MSTO1: variants seen among roughly 807,000 people sequenced by gnomAD.
The protein encoded by MSTO1 is protein misato homolog 1.
Under a neutral mutation model 55.7 loss-of-function variants are expected in MSTO1, and 24 were observed. That is an observed-to-expected ratio of 0.43 (90% CI 0.31 to 0.61). The LOEUF (loss-of-function observed/expected upper bound fraction) is 0.61, where lower values mean the gene tolerates loss of function less well. Among genes scored for constraint, MSTO1 ranks in the 20% least tolerant of loss-of-function variants. The pLI is 0.09. For synonymous variants in MSTO1, 162 were observed against 252.8 expected (o/e 0.64, Z 3.41); for missense variants, 363 against 625.7 (o/e 0.58, Z 4.48).
the MSTO1 span, among the ~76,000 whole-genome samples, chr1:155,585,384 G>A: frequency 6.6e-6 from 1 of 152,070 alleles, no homozygotes; most frequent in Admixed American, 6.6e-5. Context: ...TTAGCCAGGC[G>A]TGGTGGCGGG....
chr1:155,592,793 G>A, the MSTO1 span, among the ~76,000 whole-genome samples: 1 of 152,126 alleles, frequency 6.6e-6, no homozygotes, highest in Admixed American at 6.6e-5. Flanking sequence ...GACCTCAAGT[G>A]ATCCACCCGC....
In MSTO1 at chr1:155,612,202, C is replaced by T. The variant is rs1368157757; in HGVS notation, c.699C>T (p.Asp233=). The T allele has an allele frequency of 2.5e-6, 4 of 1,613,558 alleles. No individual in the cohort carries two copies. The highest frequency in any genetic ancestry group is 2.5e-6 in the Non-Finnish European group (3 of 1,179,632). The change falls in exon 8 of 14, where the codon GAC becomes GAT. Residue 233 remains aspartate, a synonymous_variant. Coordinates refer to ENST00000245564, the MANE Select transcript of MSTO1 (RefSeq NM_018116.4). The part of the protein sequence containing the change: ...DYLQGFQILC[D]LHDGFSGVGA... Reference sequence around the variant, plus strand: ...TCCAGGGCTTCCAGATCCTGTGTGACCTGCACGATGGCTTCTCTGGGGTAG... The same window carrying T: ...TCCAGGGCTTCCAGATCCTGTGTGATCTGCACGATGGCTTCTCTGGGGTAG...
chr1:155,606,887 T>A (rs1435957332), upstream of MSTO1, among the ~76,000 whole-genome samples: 1 of 151,850 alleles, frequency 6.6e-6, no homozygotes, highest in African/African-American at 2.4e-5. Context: ...CAGGCTGGAG[T>A]GCAGTGGCCC....
upstream of MSTO1, among the ~76,000 whole-genome samples, chr1:155,606,505 C>A (rs1672938475): frequency 6.6e-6 from 1 of 151,840 alleles, no homozygotes; most frequent in Admixed American, 6.6e-5. Flanking sequence ...AGAGATTCTT[C>A]TGCCCCAGCC....
the MSTO1 span, among the ~76,000 whole-genome samples, chr1:155,570,953 G>A: frequency 6.6e-6 from 1 of 152,146 alleles, no homozygotes; most frequent in African/African-American, 2.4e-5. Context: ...TTTAAAAAGT[G>A]TATATTGTAT....
the MSTO1 span, among the ~76,000 whole-genome samples, chr1:155,564,285 G>A: frequency 6.6e-6 from 1 of 152,202 alleles, no homozygotes; most frequent in Non-Finnish European, 1.5e-5. Flanking sequence ...CCTGAGGTCA[G>A]GAGTTCGAGA....
the MSTO1 span, among the ~76,000 whole-genome samples, chr1:155,597,713 T>C: frequency 1.3e-5 from 2 of 151,524 alleles, no homozygotes; most frequent in Non-Finnish European, 2.9e-5. Context: ...TTTCACCATG[T>C]TGGTCAGGCT....
the MSTO1 span, chr1:155,598,840 G>T: frequency 7.1e-7 from 1 of 1,405,434 alleles, no homozygotes; most frequent in Non-Finnish European, 1.0e-6. Context: ...GAAGGGAACC[G>T]GAAAAACACT....
At chr1:155,568,827 T>TTTTTTCTTTTTC in the MSTO1 span, among the ~76,000 whole-genome samples, 3 of 141,780 alleles carry the variant, frequency 2.1e-5, no homozygotes, top group African/African-American at 7.5e-5. Context: ...CCCCCGGCCT[T>TTTTTTCTTTTTC]TTTTTCTTTT....
At chr1:155,577,173 C>T in the MSTO1 span, among the ~76,000 whole-genome samples, 246 of 151,108 alleles carry the variant, frequency 1.6e-3, 1 homozygote, top group African/African-American at 5.7e-3. Context: ...ACTGCAAGCT[C>T]CACCTCCCAG....
At chr1:155,576,734 C>T in the MSTO1 span, among the ~76,000 whole-genome samples, 3 of 151,332 alleles carry the variant, frequency 2.0e-5, no homozygotes, top group Middle Eastern at 3.2e-3. Flanking sequence ...AAATTAGAGG[C>T]TGAGCGCAGT....
At chr1:155,586,090 G>T in the MSTO1 span, among the ~76,000 whole-genome samples, 1 of 151,872 alleles carries the variant, frequency 6.6e-6, no homozygotes. Context: ...ATGGACATAC[G>T]GACATTTGTT....
the MSTO1 span, chr1:155,563,679 C>T: frequency 5.2e-5 from 21 of 407,680 alleles, no homozygotes; most frequent in South Asian, 3.3e-4. Context: ...TGGACTTAGT[C>T]TCCCTTTTCT....
intron 4 of MSTO1, 35 bp downstream of exon 4, chr1:155,611,326 G>A: frequency 1.2e-6 from 2 of 1,613,848 alleles, no homozygotes; most frequent in South Asian, 1.1e-5. Context: ...TTAACCCGGT[G>A]CCACAACCCG....
chr1:155,593,825 CGGGTGT>C, the MSTO1 span, among the ~76,000 whole-genome samples: 1 of 151,942 alleles, frequency 6.6e-6, no homozygotes, highest in Admixed American at 6.6e-5. Flanking sequence ...AAAAACTAGC[CGGGTGT>C]GGTGGCAGGC....
chr1:155,579,122 A>T, the MSTO1 span, among the ~76,000 whole-genome samples: 1 of 151,470 alleles, frequency 6.6e-6, no homozygotes, highest in African/African-American at 2.4e-5. Context: ...AGCCTGACCA[A>T]CATGGAGAAA....
At chr1:155,586,732 C>A in the MSTO1 span, 1 of 473,754 alleles carries the variant, frequency 2.1e-6, no homozygotes, top group South Asian at 1.6e-5. Context: ...CTGATCTGAA[C>A]ACTTTGTGCA....
chr1:155,585,460 T>G, the MSTO1 span, among the ~76,000 whole-genome samples: 7 of 150,548 alleles, frequency 4.6e-5, no homozygotes, highest in Non-Finnish European at 8.9e-5. Flanking sequence ...GAGGCGGAGG[T>G]TGCAGTGAGC....
At chr1:155,609,245 T>TATATA (rs1673298925), upstream of MSTO1, among the ~76,000 whole-genome samples, 2 of 67,782 alleles carry the variant, frequency 3.0e-5, no homozygotes, top group African/African-American at 5.2e-5. Context: ...ATATATATAT[T>TATATA]TTTTTTTTTT....
Sources: gnomAD v4.1 joint callset for allele counts (sites outside exome capture counted in the v4.1 genomes callset) on GRCh38, gnomAD v4.1.1 for gene constraint, MANE v1.5 for transcripts, NCBI Gene and HGNC (gene_info 2026-07-23, HGNC 2026-07-21) for gene names.